KIF17: variants seen among roughly 807,000 people sequenced by gnomAD.
KIF17 encodes kinesin-like protein KIF17.
A neutral mutation model predicts 96.8 loss-of-function variants in KIF17; 80 were observed. The ratio of observed to expected loss-of-function variants is 0.83; its 90% CI spans 0.69 to 1.00. The LOEUF (loss-of-function observed/expected upper bound fraction) is 1.00. KIF17 is among the 50% of genes least tolerant of loss of function. KIF17 has a pLI of 0.00. For missense variants in KIF17, 1,280 were observed against 1,372.9 expected (o/e 0.93, Z 1.07); for synonymous variants, 567 against 587.5 (o/e 0.97, Z 0.51).
chr1:20,684,990 C>CT lies in KIF17; in HGVS notation c.2049dup (p.Glu684ArgfsTer25). On this transcript the variant is annotated frameshift_variant, in exon 10 of 15. Transcript: ENST00000400463. LOFTEE classifies it high-confidence loss of function. ...CCAGGCTCTGCTGTCCGCACCACCT[C>CT]TAAGGCCACTTCCGAGGCCAGATCT... 6.2e-7 allele frequency: 1 copy of CT among 1,604,398 alleles called. No homozygotes were observed. The highest frequency in any genetic ancestry group is 8.5e-7 in the Non-Finnish European group (1 of 1,175,688).
intron 11 of KIF17, among the ~76,000 whole-genome samples, chr1:20,676,042 GA>G (rs1456051598): frequency 6.6e-6 from 1 of 151,824 alleles, no homozygotes. Context: ...AAAGGAAAAA[GA>G]AAAAAAGAAA....
In KIF17 at chr1:20,709,592, G is replaced by A. The variant is rs779722657; in HGVS notation, c.670+47C>T. On this transcript the variant is annotated intron_variant, in intron 4 of 14. Coordinates refer to ENST00000400463, the MANE Select transcript of KIF17 (RefSeq NM_001122819.3). The surrounding 1 kb of genome is among the most constrained non-coding windows in gnomAD (Gnocchi z 4.7). ...AGGTGGCGTGCCTTGGCTAGTGGGA[G>A]TGGCTGGGTCATCTGTCCCCCTGCC... 8 of 1,606,810 alleles carry A rather than the reference G, an allele frequency of 5.0e-6. No individual in the cohort carries two copies. The highest frequency in any genetic ancestry group is 2.2e-5 in the East Asian group (1 of 44,848).
At chr1:20,669,826 A>G (rs1489831193) in intron 13 of KIF17, among the ~76,000 whole-genome samples, 2 of 122,236 alleles carry the variant, frequency 1.6e-5, no homozygotes, top group African/African-American at 3.1e-5. Context: ...AGATCGCACC[A>G]CTGCACTCCG....
At chr1:20,662,654 C>T (rs1156864545), downstream of KIF17, among the ~76,000 whole-genome samples, 1 of 152,194 alleles carries the variant, frequency 6.6e-6, no homozygotes, top group East Asian at 1.9e-4. Context: ...TCGGCCACGG[C>T]ACAGGGACAC....
chr1:20,685,320 C>G lies in KIF17; in HGVS notation c.2020-300G>C. 1 of 568,828 alleles carries G rather than the reference C, an allele frequency of 1.8e-6. No homozygotes were observed. Among genetic ancestry groups the G allele is most frequent in the East Asian group, 3.8e-5 (1 of 26,656 alleles). The allele number at this position is 568,828 out of a possible 1,614,324, so 35.2% of individuals were successfully genotyped here. A position where few individuals can be genotyped will look rare whatever the true frequency, so the allele number is the denominator to read the frequency against. ...ATAGAAACCGATCACATCCCGTTCC[C>G]GATGAGCCCCATGTGACTTCCCGTC... On this transcript the variant is annotated intron_variant, in intron 9 of 14. Coordinates refer to ENST00000400463, the MANE Select transcript of KIF17 (RefSeq NM_001122819.3). This position sits in a 1 kb window ranked among gnomAD's most constrained non-coding sequence, Gnocchi z 4.1.
intron 5 of KIF17, among the ~76,000 whole-genome samples, chr1:20,703,107 G>A (rs1287507739): frequency 2.0e-5 from 3 of 152,086 alleles, no homozygotes; most frequent in African/African-American, 7.2e-5. Context: ...ATGGGTGAAT[G>A]GATGGGTAGA....
At chr1:20,695,603 C>G (rs1258046496) in intron 6 of KIF17, among the ~76,000 whole-genome samples, 6 of 152,148 alleles carry the variant, frequency 3.9e-5, no homozygotes, top group Admixed American at 1.3e-4. Flanking sequence ...TCCTCTCCCC[C>G]CACATCCCCT....
At chr1:20,689,217 C>T (rs1229518005) in intron 7 of KIF17, among the ~76,000 whole-genome samples, 1 of 152,048 alleles carries the variant, frequency 6.6e-6, no homozygotes, top group Non-Finnish European at 1.5e-5. Context: ...CAAGCGGTAC[C>T]GACGGTGCGA....
At chr1:20,695,740 A>G (rs1249854419) in intron 6 of KIF17, among the ~76,000 whole-genome samples, 1 of 152,114 alleles carries the variant, frequency 6.6e-6, no homozygotes, top group African/African-American at 2.4e-5. Context: ...TGTGCTTGCA[A>G]TCCGCCCCCT....
At chr1:20,689,186 C>T (rs752107828) in intron 7 of KIF17, among the ~76,000 whole-genome samples, 1 of 152,052 alleles carries the variant, frequency 6.6e-6, no homozygotes, top group Non-Finnish European at 1.5e-5. Flanking sequence ...ACACAGTACC[C>T]GGCACGTGGT....
At position 20,668,448 on chromosome 1, in the gene KIF17, C is replaced by T. The variant is rs560310935; in HGVS notation, c.2790+1973G>A. ...TATGGTTGTTTGCTTTGGTATCTAT[C>T]GCTTGGAGCTGAAAGCATTCTGACA... On this transcript the variant is annotated intron_variant, in intron 13 of 14. Coordinates refer to ENST00000400463, the MANE Select transcript of KIF17 (RefSeq NM_001122819.3). 9.2e-5 allele frequency among the ~76,000 whole-genome samples: 14 copies of T among 152,298 alleles called. No individual in the cohort carries two copies. In the South Asian group the frequency reaches 2.3e-3, roughly 25 times the overall value.
At chr1:20,683,915 G>A (rs1203105556) in intron 10 of KIF17, among the ~76,000 whole-genome samples, 4 of 151,616 alleles carry the variant, frequency 2.6e-5, no homozygotes, top group East Asian at 1.9e-4. Context: ...TTCTGTGAAG[G>A]CCCCCCAGCC....
chr1:20,717,823 A>C lies in KIF17; in HGVS notation c.-117T>G, dbSNP rs1247143762. 3 of 1,109,630 alleles carry C rather than the reference A, an allele frequency of 2.7e-6. No individual in the cohort carries two copies. Among genetic ancestry groups the C allele is most frequent in the Non-Finnish European group, 2.3e-6 (2 of 874,856 alleles). The allele number at this position is 1,109,630 out of a possible 1,614,324, so 68.7% of individuals were successfully genotyped here. A position where few individuals can be genotyped will look rare whatever the true frequency, so the allele number is the denominator to read the frequency against. ...GCCACGGGGGGCGGGGCCTTGAGGC[A>C]GGGGCGGGGCCGCGGCGGGGGGCGG... On this transcript the variant is annotated 5_prime_UTR_variant, in exon 1 of 15. Transcript: ENST00000400463.
intron 5 of KIF17, 53 bp from the exon 6 acceptor site, chr1:20,698,541 G>T: frequency 8.6e-7 from 1 of 1,168,388 alleles, no homozygotes; most frequent in Non-Finnish European, 1.3e-6. Context: ...TTGTGTGCAG[G>T]AACTAAGCAG....
At chr1:20,684,489 G>C (rs1001599843) in intron 10 of KIF17, among the ~76,000 whole-genome samples, 1 of 152,242 alleles carries the variant, frequency 6.6e-6, no homozygotes, top group Non-Finnish European at 1.5e-5. Flanking sequence ...TGGGTGAGTG[G>C]GTCTCACATT....
chr1:20,686,229 A>G (rs1033343231), intron 8 of KIF17, 103 bp from the exon 9 acceptor site: 7 of 908,670 alleles, frequency 7.7e-6, no homozygotes, highest in Non-Finnish European at 1.1e-5. Flanking sequence ...AAGGCCTCCC[A>G]CCACCCCCCA....
Position 20,704,537 on chromosome 1 carries a change from G to A in KIF17, c.1033C>T (p.Pro345Ser). Residue 345 changes from proline (P) to serine (S), a missense_variant, in exon 5 of 15, where the codon CCC (proline) becomes TCC (serine). Pro to Ser is a moderately conservative substitution (Grantham distance 74). Coordinates refer to ENST00000400463, the MANE Select transcript of KIF17 (RefSeq NM_001122819.3). The surrounding 1 kb of genome is among the most constrained non-coding windows in gnomAD (Gnocchi z 6.8). Reference protein sequence around the residue: ...IRNKPRINEDPKDALLREYQE... With the variant: ...IRNKPRINEDSKDALLREYQE... ...TACTCGCGAAGCAGCGCATCCTTGG[G>A]GTCCTCATTGATGCGCGGCTTGTTC... The A allele has an allele frequency of 6.2e-7, 1 of 1,614,190 alleles. No individual in the cohort carries two copies. The highest frequency in any genetic ancestry group is 8.5e-7 in the Non-Finnish European group (1 of 1,180,030).
In KIF17 at chr1:20,685,269, C is replaced by T; in HGVS notation, c.2020-249G>A. The T allele has an allele frequency of 1.5e-6, 1 of 672,612 alleles. No individual in the cohort carries two copies. The highest frequency in any genetic ancestry group is 2.7e-6 in the Non-Finnish European group (1 of 365,478). The allele number at this position is 672,612 out of a possible 1,614,324, so 41.7% of individuals were successfully genotyped here. The stretch of plus-strand genomic sequence containing the variant: ...TCTCTCACCTCCCACAATCCAGTCT[C>T]CACAGGCAGCCAGGGCCATCTTAAA... On this transcript the variant is annotated intron_variant, in intron 9 of 14. Transcript: ENST00000400463. The surrounding 1 kb of genome is among the most constrained non-coding windows in gnomAD (Gnocchi z 4.1).
rs764131484 is a variant in KIF17 at position 20,686,091 on chromosome 1, A to G, written c.1974T>C (p.Asp658=). ...CAGCCGCCTCGGCTTCGGGCCTGGC[A>G]TCACTGGGCTCCAGCAGGTCTGTCG... The part of the protein sequence containing the change: ...PAPTDLLEPS[D]ARPEAEAADD... Residue 658 remains aspartate (D), a synonymous_variant, in exon 9 of 15, where the codon GAT becomes GAC. Transcript: ENST00000400463. 33 of 1,567,024 alleles carry G rather than the reference A, an allele frequency of 2.1e-5. No individual in the cohort carries two copies. Among genetic ancestry groups the G allele is most frequent in the Non-Finnish European group, 2.9e-5 (33 of 1,155,580 alleles).
Sources: gnomAD v4.1 joint callset for allele counts (sites outside exome capture counted in the v4.1 genomes callset) on GRCh38, gnomAD v4.1.1 for gene constraint, Gnocchi (gnomAD v3.1) non-coding constraint, MANE v1.5 for transcripts, NCBI Gene and HGNC (gene_info 2026-07-23, HGNC 2026-07-21) for gene names.